Variants in TMEM144 observed in about 807,000 individuals in gnomAD.
TMEM144 encodes transmembrane protein 144.
Under a neutral mutation model 43.6 loss-of-function variants are expected in TMEM144, and 39 were observed. The ratio of observed to expected loss-of-function variants is 0.90; its 90% confidence interval spans 0.69 to 1.17. The LOEUF is 1.17. TMEM144 is among the 50% of genes most tolerant of loss of function. The pLI, the probability that TMEM144 is intolerant of heterozygous loss-of-function variation, is 0.00. For synonymous variants in TMEM144, 154 were observed against 133.6 expected (o/e 1.15, Z -1.06); for missense variants, 417 against 411.9 (o/e 1.01, Z -0.11).
Position 158,242,088 on chromosome 4 carries a change from G to A in TMEM144, c.900+482G>A, listed in dbSNP as rs559563542. On this transcript the variant is annotated intron_variant, in intron 11 of 12. Coordinates refer to ENST00000296529, the MANE Select transcript of TMEM144 (RefSeq NM_018342.5). Reference sequence around the variant, plus strand: ...GACAAAATGAAAGCCTAATTCAAAGGAAATAAACCACTGAAGTAGGTGAGT... The same window carrying A: ...GACAAAATGAAAGCCTAATTCAAAGAAAATAAACCACTGAAGTAGGTGAGT... Among the ~76,000 whole-genome samples the A allele has an allele frequency of 5.2e-4, 79 of 152,192 alleles. 1 individual carries two copies. Among genetic ancestry groups the A allele is most frequent in the Non-Finnish European group, 1.1e-3 (73 of 68,026 alleles).
intron 11 of TMEM144, among the ~76,000 whole-genome samples, chr4:158,242,598 T>C (rs1359546830): frequency 6.6e-6 from 1 of 152,148 alleles, no homozygotes; most frequent in Non-Finnish European, 1.5e-5. Flanking sequence ...TATCCAGTGG[T>C]AACTAGACTG....
At chr4:158,243,264 A>G (rs1207946458) in intron 11 of TMEM144, among the ~76,000 whole-genome samples, 2 of 152,168 alleles carry the variant, frequency 1.3e-5, no homozygotes, top group African/African-American at 2.4e-5. Flanking sequence ...AGGAACTTAC[A>G]TCATTGATAA....
At chr4:158,251,959 C>T (rs918312136) in intron 12 of TMEM144, among the ~76,000 whole-genome samples, 33 of 152,184 alleles carry the variant, frequency 2.2e-4, no homozygotes, top group Admixed American at 1.8e-3. Flanking sequence ...GACAAAATGG[C>T]AGTCATTCAG....
At chr4:158,236,921 C>T (rs575185474) in intron 8 of TMEM144, among the ~76,000 whole-genome samples, 1 of 152,246 alleles carries the variant, frequency 6.6e-6, no homozygotes, top group Non-Finnish European at 1.5e-5. Flanking sequence ...GTCCGCCTGA[C>T]TCCAGTGCTG....
At chr4:158,219,930 C>A (rs1379147944) in intron 6 of TMEM144, among the ~76,000 whole-genome samples, 1 of 152,170 alleles carries the variant, frequency 6.6e-6, no homozygotes, top group Non-Finnish European at 1.5e-5. Flanking sequence ...CTGTGTCTAG[C>A]TGTATGCACT....
chr4:158,216,590 C>T (rs578168856), intron 4 of TMEM144, among the ~76,000 whole-genome samples: 5 of 152,056 alleles, frequency 3.3e-5, no homozygotes, highest in South Asian at 2.1e-4. Context: ...ACTGGGAACA[C>T]GCACCTTTAG....
intron 6 of TMEM144, among the ~76,000 whole-genome samples, chr4:158,228,988 G>A (rs947157545): frequency 6.6e-6 from 1 of 152,052 alleles, no homozygotes; most frequent in African/African-American, 2.4e-5. Context: ...TAATCAGAAC[G>A]AAACAGAACA....
intron 6 of TMEM144, among the ~76,000 whole-genome samples, chr4:158,220,772 T>C (rs1356935346): frequency 6.6e-6 from 1 of 152,242 alleles, no homozygotes; most frequent in Non-Finnish European, 1.5e-5. Flanking sequence ...GTTGGGTATT[T>C]GTTGCCCAAC....
intron 3 of TMEM144, 143 bp from the exon 4 acceptor site, chr4:158,215,048 A>T: frequency 1.0e-6 from 1 of 984,874 alleles, no homozygotes; most frequent in East Asian, 2.5e-5. Flanking sequence ...CAGAGTAGTC[A>T]TAAGAATGAA....
rs771828704 is a variant in TMEM144, at chr4:158,244,334, G to T, written c.939G>T (p.Met313Ile). 6.2e-7 allele frequency: 1 copy of T among 1,609,250 alleles called. No homozygotes were observed. The highest frequency in any genetic ancestry group is 8.5e-7 in the Non-Finnish European group (1 of 1,177,442). ...TAGCTGCAATGTGGGGTATCTTCATGTTTAAGGAAATAAAGGTATGTACAA... is the reference window on the plus strand; with the variant it reads ...TAGCTGCAATGTGGGGTATCTTCATTTTTAAGGAAATAAAGGTATGTACAA... ...GFIAAMWGIFMFKEIKGLQNY... is the reference protein window; with the variant it reads ...GFIAAMWGIFIFKEIKGLQNY... Residue 313 changes from methionine to isoleucine, a missense_variant, in exon 12 of 13, where the codon ATG becomes ATT. Transcript: ENST00000296529.
chr4:158,231,161 C>T (rs1735060544), intron 6 of TMEM144, among the ~76,000 whole-genome samples: 1 of 152,124 alleles, frequency 6.6e-6, no homozygotes, highest in Non-Finnish European at 1.5e-5. Flanking sequence ...TCTTTATAGC[C>T]AGCTCCTACA....
At chr4:158,230,776 G>A (rs1312496924) in intron 6 of TMEM144, among the ~76,000 whole-genome samples, 1 of 152,074 alleles carries the variant, frequency 6.6e-6, no homozygotes, top group Non-Finnish European at 1.5e-5. Flanking sequence ...TACTGTAGGG[G>A]TGGAAAGGTG....
Position 158,241,524 on chromosome 4 carries a change from T to C in TMEM144, c.818T>C (p.Val273Ala). The change falls in exon 11 of 13, where the codon GTA (valine) becomes GCA (alanine). Residue 273 changes from valine to alanine, a missense_variant. Coordinates refer to ENST00000296529, the MANE Select transcript of TMEM144 (RefSeq NM_018342.5). Reference protein sequence around the residue: ...EAVLPGFLSGVLWAIATCCWF... With the variant: ...EAVLPGFLSGALWAIATCCWF... ...TGTATTTCAGGATTCCTGTCAGGAG[T>C]ACTTTGGGCTATAGCTACCTGCTGT... 2 of 1,613,684 alleles carry C rather than the reference T, an allele frequency of 1.2e-6. No homozygotes were observed. The highest frequency in any genetic ancestry group is 1.7e-6 in the Non-Finnish European group (2 of 1,179,724).
intron 4 of TMEM144, among the ~76,000 whole-genome samples, chr4:158,216,049 A>G (rs1476978344): frequency 2.0e-5 from 3 of 152,228 alleles, no homozygotes; most frequent in African/African-American, 7.2e-5. Flanking sequence ...TGATTTAGTG[A>G]AGTTCATAAG....
chr4:158,211,141 A>G (rs933205761), intron 1 of TMEM144: 4 of 152,230 alleles, frequency 2.6e-5, no homozygotes, highest in African/African-American at 9.7e-5. Flanking sequence ...ATGAAATAAG[A>G]TCACATGCTC....
intron 6 of TMEM144, among the ~76,000 whole-genome samples, chr4:158,222,236 A>G (rs1048444319): frequency 6.6e-6 from 1 of 152,190 alleles, no homozygotes; most frequent in South Asian, 2.1e-4. Context: ...TCTGCCCTAC[A>G]TCAGGGCATG....
chr4:158,232,416 T>C (rs905017798), intron 6 of TMEM144, among the ~76,000 whole-genome samples: 3 of 152,092 alleles, frequency 2.0e-5, no homozygotes, highest in African/African-American at 7.2e-5. Context: ...TCCGGCAGGA[T>C]TGGTAAGGTC....
intron 6 of TMEM144, among the ~76,000 whole-genome samples, chr4:158,229,159 G>A (rs1734932625): frequency 6.6e-6 from 1 of 152,110 alleles, no homozygotes; most frequent in Non-Finnish European, 1.5e-5. Flanking sequence ...GTTCCTAGGC[G>A]CCGGGCTACC....
intron 12 of TMEM144, among the ~76,000 whole-genome samples, chr4:158,244,848 T>A (rs1031201960): frequency 5.3e-5 from 8 of 152,164 alleles, no homozygotes; most frequent in African/African-American, 1.9e-4. Context: ...ACTAGAGCTA[T>A]GATAATTATA....
Sources: allele counts gnomAD v4.1 joint callset (sites outside exome capture counted in the v4.1 genomes callset), GRCh38; gene constraint gnomAD v4.1.1; transcripts MANE v1.5; gene names NCBI Gene and HGNC (gene_info 2026-07-23, HGNC 2026-07-21).